USP47: variants seen among roughly 807,000 people sequenced by gnomAD.
USP47 encodes ubiquitin specific peptidase 47.
Under a neutral mutation model 165.1 loss-of-function variants are expected in USP47, and 35 were observed. That is an observed-to-expected ratio of 0.21 (90% confidence interval 0.16 to 0.28). The LOEUF is 0.28. Among genes scored for constraint, USP47 ranks in the 10% least tolerant of loss-of-function variants. The pLI, the probability that USP47 is intolerant of heterozygous loss-of-function variation, is 1.00. For synonymous variants in USP47, 531 were observed against 544.5 expected, an observed-to-expected ratio of 0.98 and a Z score of 0.35; for missense variants, 1,277 against 1,607.4, an observed-to-expected ratio of 0.79 and a Z score of 3.52.
chr11:11,919,515 T>C lies in USP47; in HGVS notation c.970-641T>C, dbSNP rs572992737. Among the ~76,000 whole-genome samples the C allele has an allele frequency of 5.9e-5, 9 of 152,022 alleles. No individual in the cohort carries two copies. The South Asian group carries it at 8.3e-4, about 14-fold the overall frequency. On this transcript the variant is annotated intron_variant, in intron 8 of 27. Transcript: ENST00000527733. The stretch of plus-strand genomic sequence containing the variant: ...TATATGAAGTTTCTTACTTCTGTTG[T>C]AATGCTGTATGGAGAAAAGAGAACC...
chr11:11,914,604 A>T (rs1186323028), intron 8 of USP47, among the ~76,000 whole-genome samples: 3 of 151,952 alleles, frequency 2.0e-5, no homozygotes, highest in Non-Finnish European at 4.4e-5. Flanking sequence ...ATCTCCAGAC[A>T]TATTTGCAAG....
intron 8 of USP47, among the ~76,000 whole-genome samples, chr11:11,914,621 A>G (rs1279472950): frequency 6.8e-6 from 1 of 147,734 alleles, no homozygotes; most frequent in Admixed American, 6.6e-5. Flanking sequence ...CAAGCTGTCT[A>G]TCTGACAAAG....
rs1590429337 is a variant in USP47, at chr11:11,940,348, A to C, written c.2194-81A>C. ...CTGCTGCTTTTAAGAAGAACTCAGC[A>C]GTGTCTTGCTTTCCCATATTTTTAA... is the stretch of plus-strand genomic sequence containing the variant. On this transcript the variant is annotated intron_variant, in intron 18 of 27. Coordinates refer to ENST00000527733, the MANE Select transcript of USP47 (RefSeq NM_001282659.2). 5.0e-6 allele frequency: 7 copies of C among 1,394,664 alleles called. No individual in the cohort carries two copies. In the East Asian group the frequency reaches 1.5e-4, roughly 29 times the overall value. The allele number at this position is 1,394,664 out of a possible 1,614,324, so 86.4% of individuals were successfully genotyped here. A position where few individuals can be genotyped will look rare whatever the true frequency, so the allele number is the denominator to read the frequency against.
chr11:11,896,210 C>T (rs935975838), intron 4 of USP47, among the ~76,000 whole-genome samples: 2 of 152,112 alleles, frequency 1.3e-5, no homozygotes, highest in Non-Finnish European at 2.9e-5. Context: ...AATTAATTGC[C>T]ATTACTCTCT....
intron 1 of USP47, among the ~76,000 whole-genome samples, chr11:11,867,625 T>A (rs911134015): frequency 2.6e-5 from 4 of 152,222 alleles, no homozygotes; most frequent in African/African-American, 9.6e-5. Flanking sequence ...AGTTTCAATA[T>A]TGAAGTTTTT....
intron 1 of USP47, among the ~76,000 whole-genome samples, chr11:11,860,098 A>AG (rs932550735): frequency 6.6e-6 from 1 of 150,542 alleles, no homozygotes; most frequent in Non-Finnish European, 1.5e-5. Flanking sequence ...AAGGAAAAAA[A>AG]AAAAAGAAAA....
intron 1 of USP47, among the ~76,000 whole-genome samples, chr11:11,850,267 A>G (rs983907611): frequency 1.4e-5 from 2 of 143,088 alleles, no homozygotes; most frequent in Middle Eastern, 3.4e-3. Flanking sequence ...GGTTTCTCTA[A>G]TTTTCTTGTC....
chr11:11,899,671 A>G (rs1172179783), intron 5 of USP47, among the ~76,000 whole-genome samples: 1 of 152,176 alleles, frequency 6.6e-6, no homozygotes, highest in African/African-American at 2.4e-5. Flanking sequence ...AAGAGCATAC[A>G]AGGCATAAGA....
intron 24 of USP47, chr11:11,951,585 T>C (rs1294802128): frequency 6.6e-6 from 1 of 152,214 alleles, no homozygotes; most frequent in African/African-American, 2.4e-5. Context: ...TTAGGAAAAT[T>C]TTAATTTTCC....
intron 1 of USP47, among the ~76,000 whole-genome samples, chr11:11,868,298 C>G (rs1180404990): frequency 6.6e-6 from 1 of 152,218 alleles, no homozygotes; most frequent in South Asian, 2.1e-4. Context: ...CTTTCACTCC[C>G]TATTCCCTCT....
At chr11:11,856,446 ATAAAATATTTCTTT>A (rs1473592353) in intron 1 of USP47, 1 of 152,192 alleles carries the variant, frequency 6.6e-6, no homozygotes, top group African/African-American at 2.4e-5. Context: ...TTTTTTAAGA[ATAAAATATTTCTTT>A]TCATAATACA....
intron 1 of USP47, among the ~76,000 whole-genome samples, chr11:11,859,877 G>T (rs1033725155): frequency 6.6e-6 from 1 of 152,020 alleles, no homozygotes; most frequent in South Asian, 2.1e-4. Context: ...GCCGAGGCAG[G>T]CGAATCATTT....
rs139971871 is a variant in USP47, at chr11:11,900,522, A to T, written c.594-2193A>T. ...CCTGCCACTTGATTTGGAGTCATAT[A>T]CGTGATGGGTTAAATACATTGTTTT... is the stretch of plus-strand genomic sequence containing the variant. On this transcript the variant is annotated intron_variant, in intron 5 of 27. Transcript: ENST00000527733. Among the ~76,000 whole-genome samples, 240 of 152,202 alleles carry T rather than the reference A, an allele frequency of 1.6e-3. 1 individual carries two copies. In the South Asian group the frequency reaches 0.022, roughly 14 times the overall value.
At chr11:11,913,967 T>A (rs1303515693) in intron 8 of USP47, among the ~76,000 whole-genome samples, 1 of 152,126 alleles carries the variant, frequency 6.6e-6, no homozygotes, top group Non-Finnish European at 1.5e-5. Flanking sequence ...ATAGTAAAGA[T>A]AATTACATAG....
intron 4 of USP47, among the ~76,000 whole-genome samples, chr11:11,894,194 C>T (rs1397309578): frequency 1.3e-5 from 2 of 152,082 alleles, no homozygotes; most frequent in East Asian, 3.9e-4. Flanking sequence ...CAGTGGCTCA[C>T]TGTTATAATC....
At chr11:11,894,094 TAC>T (rs1851706221) in intron 4 of USP47, among the ~76,000 whole-genome samples, 1 of 152,276 alleles carries the variant, frequency 6.6e-6, no homozygotes, top group Non-Finnish European at 1.5e-5. Context: ...TGTTTCCCAT[TAC>T]ACTATCTAGA....
At chr11:11,931,164 C>T (rs927924963) in intron 14 of USP47, among the ~76,000 whole-genome samples, 1 of 151,622 alleles carries the variant, frequency 6.6e-6, no homozygotes, top group Admixed American at 6.6e-5. Context: ...TGTGTTTGCT[C>T]ATAGTCTTTT....
Position 11,933,949 on chromosome 11 carries a change from C to A in USP47, c.1869+14C>A. On this transcript the variant is annotated intron_variant, in intron 16 of 27. Coordinates refer to ENST00000527733, the MANE Select transcript of USP47 (RefSeq NM_001282659.2). Reference sequence around the variant, plus strand: ...ATGGCTTATAAGGTATGTTTAATTGCATCATTGGCATTTACTTACTAATAC... The same window carrying A: ...ATGGCTTATAAGGTATGTTTAATTGAATCATTGGCATTTACTTACTAATAC... The A allele has an allele frequency of 1.3e-6, 2 of 1,548,126 alleles. No homozygotes were observed. The highest frequency in any genetic ancestry group is 1.8e-6 in the Non-Finnish European group (2 of 1,124,574).
At chr11:11,944,065 C>A (rs1203656102) in intron 20 of USP47, among the ~76,000 whole-genome samples, 1 of 151,090 alleles carries the variant, frequency 6.6e-6, no homozygotes, top group Admixed American at 6.6e-5. Flanking sequence ...TAAATGGGAC[C>A]ATTACTAGAA....
Sources: allele counts gnomAD v4.1 joint callset (sites outside exome capture counted in the v4.1 genomes callset), GRCh38; gene constraint gnomAD v4.1.1; transcripts MANE v1.5; gene names NCBI Gene and HGNC (gene_info 2026-07-23, HGNC 2026-07-21).